The following MCC variants were observed in gnomAD, a reference collection of about 807,000 sequenced individuals.
MCC encodes MCC regulator of Wnt signaling pathway, also known as colorectal mutant cancer protein.
Under a neutral mutation model 116.2 loss-of-function variants are expected in MCC, and 90 were observed. The ratio of observed to expected loss-of-function variants is 0.77; its 90% confidence interval spans 0.65 to 0.92. The LOEUF is 0.92. Among genes scored for constraint, MCC ranks in the 40% least tolerant of loss-of-function variants. The pLI is 0.00. For synonymous variants in MCC, 578 were observed against 510.5 expected (o/e 1.13, Z -1.78); for missense variants, 1,516 against 1,312.2 (o/e 1.16, Z -2.40).
intron 2 of MCC, among the ~76,000 whole-genome samples, chr5:113,344,141 G>C (rs572080067): frequency 6.6e-6 from 1 of 152,264 alleles, no homozygotes; most frequent in African/African-American, 2.4e-5. Flanking sequence ...CACAGCAAGT[G>C]GGGGACTTGG....
chr5:113,064,995 C>T (rs1753489911), intron 13 of MCC, among the ~76,000 whole-genome samples: 1 of 152,128 alleles, frequency 6.6e-6, no homozygotes, highest in Admixed American at 6.5e-5. Flanking sequence ...GTCTCCAAAA[C>T]AACAACAAGA....
At chr5:113,349,601 A>G (rs1004285332) in intron 2 of MCC, among the ~76,000 whole-genome samples, 1 of 152,082 alleles carries the variant, frequency 6.6e-6, no homozygotes, top group Non-Finnish European at 1.5e-5. Context: ...CTAAATGGGG[A>G]AAAATTGAAA....
intron 1 of MCC, among the ~76,000 whole-genome samples, chr5:113,440,662 G>T (rs1771010609): frequency 6.6e-6 from 1 of 152,044 alleles, no homozygotes; most frequent in Admixed American, 6.6e-5. Context: ...AAAACAAAGG[G>T]TGAGAAAGAA....
intron 15 of MCC, among the ~76,000 whole-genome samples, chr5:113,049,588 C>A (rs1752354237): frequency 6.6e-6 from 1 of 152,194 alleles, no homozygotes; most frequent in Non-Finnish European, 1.5e-5. Flanking sequence ...TAGGGAAAAC[C>A]TTTCTAACAA....
chr5:113,176,898 G>C (rs1364490265), intron 3 of MCC, among the ~76,000 whole-genome samples: 2 of 152,080 alleles, frequency 1.3e-5, no homozygotes, highest in African/African-American at 4.8e-5. Flanking sequence ...CTAGATTGCA[G>C]GAACAGTGTC....
rs1753755701 is a variant in MCC at position 113,068,149 on chromosome 5, C to A, written c.1960G>T (p.Ala654Ser). The change falls in exon 13 of 19, where the codon GCG becomes TCG. Residue 654 changes from alanine (A) to serine (S), a missense_variant. Ala to Ser is a moderately conservative substitution (Grantham distance 99, BLOSUM62 1). Coordinates refer to ENST00000408903, the MANE Select transcript of MCC (RefSeq NM_001085377.2). ...AGGCTCTGCTCACTCTCTGCCAGCG[C>A]CAGGAGGAGTTCGTAGGCTTCGATG... ...QCIEAYELLL[A>S]LAESEQSLIL... The A allele has an allele frequency of 6.2e-7, 1 of 1,614,198 alleles. No individual in the cohort carries two copies. The highest frequency in any genetic ancestry group is 8.5e-7 in the Non-Finnish European group (1 of 1,180,042).
chr5:113,414,858 G>A (rs1770098717), intron 1 of MCC, among the ~76,000 whole-genome samples: 1 of 152,172 alleles, frequency 6.6e-6, no homozygotes, highest in Non-Finnish European at 1.5e-5. Flanking sequence ...TTTCTTCCTA[G>A]CATAGTTGGT....
intron 1 of MCC, among the ~76,000 whole-genome samples, chr5:113,400,210 C>T (rs1769645949): frequency 7.0e-6 from 1 of 143,680 alleles, no homozygotes; most frequent in African/African-American, 2.7e-5. Context: ...GAAACCTTCC[C>T]CTCCCGGGTT....
At chr5:113,146,723 T>TA (rs773594381) in intron 4 of MCC, among the ~76,000 whole-genome samples, 2 of 152,220 alleles carry the variant, frequency 1.3e-5, no homozygotes, top group Non-Finnish European at 2.9e-5. Flanking sequence ...ACTTGTAAGT[T>TA]AGAGACTATT....
intron 3 of MCC, among the ~76,000 whole-genome samples, chr5:113,199,155 G>C (rs1762569116): frequency 1.3e-5 from 2 of 152,016 alleles, no homozygotes; most frequent in African/African-American, 2.4e-5. Context: ...CTAGGTGACA[G>C]AGCGAGACTC....
At chr5:113,122,867 T>C (rs1757820170) in intron 5 of MCC, 41 bp from the exon 6 acceptor site, 15 of 1,597,578 alleles carry the variant, frequency 9.4e-6, no homozygotes, top group Non-Finnish European at 1.3e-5. Context: ...ACAGAGGATA[T>C]AAGACAACCC....
At chr5:113,156,943 TCCAGCCCCCCTGAGCC>T (rs1394643613) in intron 3 of MCC, among the ~76,000 whole-genome samples, 4 of 152,180 alleles carry the variant, frequency 2.6e-5, no homozygotes, top group African/African-American at 9.7e-5. Context: ...AGGAAAGGTG[TCCAGCCCCCCTGAGCC>T]CAGGTAAGAA....
At chr5:113,113,101 G>A (rs953706081) in intron 6 of MCC, among the ~76,000 whole-genome samples, 5 of 152,144 alleles carry the variant, frequency 3.3e-5, no homozygotes, top group Admixed American at 1.3e-4. Context: ...GAGGGCCAGC[G>A]CACACCACCC....
chr5:113,345,592 G>A (rs190698488), intron 2 of MCC, among the ~76,000 whole-genome samples: 10 of 152,216 alleles, frequency 6.6e-5, no homozygotes, highest in African/African-American at 1.2e-4. Context: ...ATGTTTGGGA[G>A]AAAGTAAGGG....
chr5:113,277,317 G>A (rs1243078491), intron 3 of MCC, among the ~76,000 whole-genome samples: 4 of 151,174 alleles, frequency 2.6e-5, no homozygotes, highest in Non-Finnish European at 4.4e-5. Flanking sequence ...GCAGTGAGCC[G>A]AGATTGTGCC....
At chr5:113,453,975 T>C (rs1403555760) in intron 1 of MCC, among the ~76,000 whole-genome samples, 1 of 152,092 alleles carries the variant, frequency 6.6e-6, no homozygotes, top group Non-Finnish European at 1.5e-5. Context: ...CCGGGTGTGA[T>C]GGCACATGAT....
intron 3 of MCC, among the ~76,000 whole-genome samples, chr5:113,288,953 A>G (rs1766373729): frequency 6.6e-6 from 1 of 152,218 alleles, no homozygotes; most frequent in African/African-American, 2.4e-5. Flanking sequence ...TGTGATTCAG[A>G]GTTATTACAA....
chr5:113,141,486 C>T (rs899485190), intron 5 of MCC, among the ~76,000 whole-genome samples: 1 of 152,196 alleles, frequency 6.6e-6, no homozygotes, highest in Admixed American at 6.5e-5. Context: ...CTCTGGAGAA[C>T]CCTGAATAAT....
At chr5:113,075,556 C>G (rs1409053120) in intron 11 of MCC, among the ~76,000 whole-genome samples, 1 of 152,176 alleles carries the variant, frequency 6.6e-6, no homozygotes, top group African/African-American at 2.4e-5. Flanking sequence ...TGTAATTGCA[C>G]CAATCAGCAC....
Sources: allele counts gnomAD v4.1 joint callset (sites outside exome capture counted in the v4.1 genomes callset), GRCh38; gene constraint gnomAD v4.1.1; transcripts MANE v1.5; gene names NCBI Gene and HGNC (gene_info 2026-07-23, HGNC 2026-07-21).